ALKBH6: variants seen among roughly 807,000 people sequenced by gnomAD.
The protein encoded by ALKBH6 is alkB homolog 6, nucleotide demethylase, also known as probable RNA/DNA demethylase ALKBH6.
Under a neutral mutation model 25.1 loss-of-function variants are expected in ALKBH6, and 20 were observed. The observed-to-expected ratio is 0.80, with a 90% confidence interval of 0.56 to 1.16. The LOEUF (loss-of-function observed/expected upper bound fraction) is 1.16, where lower values mean the gene tolerates loss of function less well. Among genes scored for constraint, ALKBH6 ranks in the 50% most tolerant of loss-of-function variants. The pLI is 0.00. For synonymous variants in ALKBH6, 156 were observed against 147.5 expected, an observed-to-expected ratio of 1.06 and a Z score of -0.42; for missense variants, 263 against 326.5, an observed-to-expected ratio of 0.81 and a Z score of 1.50.
At position 36,013,374 on chromosome 19, in the gene ALKBH6, G is replaced by C. The variant is rs961963678; in HGVS notation, c.24C>G (p.Val8=). The change falls in exon 2 of 7, where the codon GTC becomes GTG. Residue 8 remains valine (V), a synonymous_variant. Coordinates refer to ENST00000378875, the MANE Select transcript of ALKBH6 (RefSeq NM_032878.5). This position sits in a 1 kb window ranked among gnomAD's most constrained non-coding sequence, Gnocchi z 4.6. MEEQDAR[V]PALEPFRVEQ... is the part of the protein sequence containing the mutation. ...CCACTCTGAACGGTTCCAGGGCTGG[G>C]ACTCTGGCGTCCTGCTCCTCCATCA... 1 of 1,613,758 alleles carries C rather than the reference G, an allele frequency of 6.2e-7. No individual in the cohort carries two copies. Among genetic ancestry groups the C allele is most frequent in the Non-Finnish European group, 8.5e-7 (1 of 1,179,880 alleles).
chr19:36,013,023 G>T lies in ALKBH6; in HGVS notation c.121C>A (p.Gln41Lys), dbSNP rs2145375186. Residue 41 changes from glutamine (Q) to lysine (K), a missense_variant and splice_region_variant, in exon 3 of 7, where the codon CAG (glutamine) becomes AAG (lysine). By Grantham distance (53) the Gln-to-Lys change is moderately conservative (BLOSUM62 1). This residue lies in a region of ALKBH6 where 112 missense variants were observed against 153.0 expected (regional missense o/e 0.73). Coordinates refer to ENST00000378875, the MANE Select transcript of ALKBH6 (RefSeq NM_032878.5). This position sits in a 1 kb window ranked among gnomAD's most constrained non-coding sequence, Gnocchi z 4.6. ...GACCAGTAGGGCACTGAGGTCACCT[G>T]TCGAAGCAAATACTCCTCCTCTTCT... ...SKEEEEYLLR[Q>K]VFNAPKPKWT... is the part of the protein sequence containing the mutation. The T allele has an allele frequency of 6.2e-7, 1 of 1,613,340 alleles. No homozygotes were observed. Among genetic ancestry groups the T allele is most frequent in the East Asian group, 2.2e-5 (1 of 44,882 alleles).
chr19:36,013,782 A>T lies in ALKBH6; in HGVS notation c.-25-360T>A. On this transcript the variant is annotated intron_variant, in intron 1 of 6. Coordinates refer to ENST00000378875, the MANE Select transcript of ALKBH6 (RefSeq NM_032878.5). This position sits in a 1 kb window ranked among gnomAD's most constrained non-coding sequence, Gnocchi z 4.6. ...GCTGCACTCCAGAGCCCCTTTAAAC[A>T]CCTTGAGACCCCGCTTCAGACCTGC... 7.9e-7 allele frequency: 1 copy of T among 1,260,874 alleles called. No homozygotes were observed. Among genetic ancestry groups the T allele is most frequent in the Non-Finnish European group, 1.0e-6 (1 of 1,000,124 alleles). 78.1% of individuals were successfully genotyped at this position (1,260,874 alleles called of 1,614,324 possible).
chr19:36,011,578 G>C, intron 3 of ALKBH6, 114 bp from the exon 4 acceptor site: 1 of 1,162,082 alleles, frequency 8.6e-7, no homozygotes, highest in South Asian at 1.3e-5. Context: ...ATCTGTGTCT[G>C]TGGGACCATT....
chr19:36,014,065 T>C (rs545411536), intron 1 of ALKBH6, 110 bp downstream of exon 1: 2 of 1,553,772 alleles, frequency 1.3e-6, no homozygotes, highest in East Asian at 2.4e-5. Flanking sequence ...CCGAGCCTTT[T>C]AGGACTCCAA....
At position 36,010,803 on chromosome 19, in the gene ALKBH6, G is replaced by T. The variant is rs751827184; in HGVS notation, c.336+91C>A. The T allele has an allele frequency of 2.5e-5, 39 of 1,573,944 alleles. No homozygotes were observed. The highest frequency in any genetic ancestry group is 3.1e-5 in the Non-Finnish European group (36 of 1,144,750). On this transcript the variant is annotated intron_variant, in intron 5 of 6. Transcript: ENST00000378875. The surrounding 1 kb of genome is among the most constrained non-coding windows in gnomAD (Gnocchi z 5.5). The stretch of plus-strand genomic sequence containing the variant: ...GAATGCCTGTTTGGGAGATGTGGCT[G>T]CCTAATGAGTGAGGGTGGGTACAGA...
chr19:36,009,442 C>G lies in ALKBH6; in HGVS notation c.565G>C (p.Val189Leu), dbSNP rs759193991. ...GAGGAGGCGGCGTCCAGCGCGTCTA[C>G]GCGGGCGGCGGCGATGCCGTGGAGA... ...RLLHGIAAAR[V>L]DALDAASSPP... Residue 189 changes from valine (V) to leucine (L), a missense_variant, in exon 7 of 7, where the codon GTA (valine) becomes CTA (leucine). By Grantham distance (32) the Val-to-Leu change is conservative. This residue lies in a region of ALKBH6 where 148 missense variants were observed against 157.5 expected (regional missense o/e 0.94). Coordinates refer to ENST00000378875, the MANE Select transcript of ALKBH6 (RefSeq NM_032878.5). 1.6e-6 allele frequency: 2 copies of G among 1,245,264 alleles called. No individual in the cohort carries two copies. The highest frequency in any genetic ancestry group is 2.0e-6 in the Non-Finnish European group (2 of 996,672). 77.1% of individuals were successfully genotyped at this position (1,245,264 alleles called of 1,614,324 possible).
chr19:36,011,043 C>A lies in ALKBH6; in HGVS notation c.187G>T (p.Gly63Trp). Residue 63 changes from glycine to tryptophan, a missense_variant and splice_region_variant, in exon 5 of 7, where the codon GGG becomes TGG. By Grantham distance (184) the Gly-to-Trp change is radical. Transcript: ENST00000378875. ...LSGRKLQNWG[G>W]LPHPRGMVPE... ...ACCATCCCTCGGGGATGAGGAAGCC[C>A]ACCTGGGGAAGGCAATGGGGTCCTG... 6.2e-7 allele frequency: 1 copy of A among 1,604,108 alleles called. No individual in the cohort carries two copies. Among genetic ancestry groups the A allele is most frequent in the Non-Finnish European group, 8.5e-7 (1 of 1,175,138 alleles).
Position 36,013,011 on chromosome 19 carries a change from C to T in ALKBH6, c.123+10G>A, listed in dbSNP as rs1227951682. 2 of 1,610,902 alleles carry T rather than the reference C, an allele frequency of 1.2e-6. No individual in the cohort carries two copies. The highest frequency in any genetic ancestry group is 8.5e-7 in the Non-Finnish European group (1 of 1,177,166). On this transcript the variant is annotated intron_variant, in intron 3 of 6. Coordinates refer to ENST00000378875, the MANE Select transcript of ALKBH6 (RefSeq NM_032878.5). This position sits in a 1 kb window ranked among gnomAD's most constrained non-coding sequence, Gnocchi z 4.6. ...AGTGGGAAAACAGACCAGTAGGGCACTGAGGTCACCTGTCGAAGCAAATAC... is the reference window on the plus strand; with the variant it reads ...AGTGGGAAAACAGACCAGTAGGGCATTGAGGTCACCTGTCGAAGCAAATAC...
At position 36,013,307 on chromosome 19, in the gene ALKBH6, T is replaced by A; in HGVS notation, c.54+37A>T. 1 of 1,612,740 alleles carries A rather than the reference T, an allele frequency of 6.2e-7. No homozygotes were observed. Among genetic ancestry groups the A allele is most frequent in the Non-Finnish European group, 8.5e-7 (1 of 1,178,884 alleles). ...CAACCCAAGAACTCAGGAATCAGCCTGCCTCCTTCACCCTCTGCACCCTGA... is the reference window on the plus strand; with the variant it reads ...CAACCCAAGAACTCAGGAATCAGCCAGCCTCCTTCACCCTCTGCACCCTGA... On this transcript the variant is annotated intron_variant, in intron 2 of 6. Coordinates refer to ENST00000378875, the MANE Select transcript of ALKBH6 (RefSeq NM_032878.5). The surrounding 1 kb of genome is among the most constrained non-coding windows in gnomAD (Gnocchi z 4.6).
rs1005360949 is a variant in ALKBH6, at chr19:36,010,294, T to C, written c.453+273A>G. 11 of 435,178 alleles carry C rather than the reference T, an allele frequency of 2.5e-5. No individual in the cohort carries two copies. In the East Asian group the frequency reaches 4.6e-4, roughly 18 times the overall value. 27.0% of individuals were successfully genotyped at this position (435,178 alleles called of 1,614,324 possible). On this transcript the variant is annotated intron_variant, in intron 6 of 6. Transcript: ENST00000378875. This position sits in a 1 kb window ranked among gnomAD's most constrained non-coding sequence, Gnocchi z 5.5. The stretch of plus-strand genomic sequence containing the variant: ...CCCGAGTTAATGGCGGTGGGGTATC[T>C]AAGGATATCAGTGTCTGCTGGGGAG...
In ALKBH6 at chr19:36,013,638, C is replaced by G; in HGVS notation, c.-25-216G>C. On this transcript the variant is annotated intron_variant, in intron 1 of 6. Coordinates refer to ENST00000378875, the MANE Select transcript of ALKBH6 (RefSeq NM_032878.5). This position sits in a 1 kb window ranked among gnomAD's most constrained non-coding sequence, Gnocchi z 4.6. Reference sequence around the variant, plus strand: ...GAGCCCCAAGAATAATCCCCCATTACTCTGTCCACTAAGGGCCCATCCAAC... The same window carrying G: ...GAGCCCCAAGAATAATCCCCCATTAGTCTGTCCACTAAGGGCCCATCCAAC... The G allele has an allele frequency of 7.2e-7, 1 of 1,394,876 alleles. No individual in the cohort carries two copies. Among genetic ancestry groups the G allele is most frequent in the Non-Finnish European group, 9.3e-7 (1 of 1,073,852 alleles). 86.4% of individuals were successfully genotyped at this position (1,394,876 alleles called of 1,614,324 possible).
chr19:36,009,291 C>T lies in ALKBH6; in HGVS notation c.716G>A (p.Ter239=). The change falls in exon 7 of 7, where the codon TGA becomes TAA. Residue 239 remains the stop codon, a stop_retained_variant. Coordinates refer to ENST00000378875, the MANE Select transcript of ALKBH6 (RefSeq NM_032878.5). ...TCCGAGGGGTCCCGGCCCTGGCGGT[C>T]ACTTGCCCAGCAGGAGGCCGGCGCG... The part of the protein sequence containing the change: ...VLRAGLLLGK[*] The T allele has an allele frequency of 1.5e-6, 2 of 1,352,812 alleles. No homozygotes were observed. The highest frequency in any genetic ancestry group is 1.8e-5 in the South Asian group (1 of 56,926). 83.8% of individuals were successfully genotyped at this position (1,352,812 alleles called of 1,614,324 possible).
rs1968679749 is a variant in ALKBH6 at position 36,013,500 on chromosome 19, A to C, written c.-25-78T>G. On this transcript the variant is annotated intron_variant, in intron 1 of 6. Coordinates refer to ENST00000378875, the MANE Select transcript of ALKBH6 (RefSeq NM_032878.5). This position sits in a 1 kb window ranked among gnomAD's most constrained non-coding sequence, Gnocchi z 4.6. ...ATGATGCAGCATTCCACCCCATCAC[A>C]GGCCAGGCCTCACCTCAGCCCTCTT... is the stretch of plus-strand genomic sequence containing the variant. 1.3e-6 allele frequency: 2 copies of C among 1,586,900 alleles called. No homozygotes were observed. Among genetic ancestry groups the C allele is most frequent in the African/African-American group, 1.3e-5 (1 of 74,442 alleles).
rs1240273605 is a variant in ALKBH6, at chr19:36,013,927, TCCC to T, written c.-26+245_-26+247del. 2 of 1,348,920 alleles carry T rather than the reference TCCC, an allele frequency of 1.5e-6. No homozygotes were observed. The highest frequency in any genetic ancestry group is 5.3e-4 in the Middle Eastern group (2 of 3,774). The allele number at this position is 1,348,920 out of a possible 1,614,324, so 83.6% of individuals were successfully genotyped here. A position where few individuals can be genotyped will look rare whatever the true frequency, so the allele number is the denominator to read the frequency against. ...CATGTCCACCCTCAGCCTCCTCGGATCCCCCCATTTGGACGCCCCTCGGATTTC... is the reference window on the plus strand; with the variant it reads ...CATGTCCACCCTCAGCCTCCTCGGATCCCATTTGGACGCCCCTCGGATTTC... On this transcript the variant is annotated intron_variant, in intron 1 of 6. Transcript: ENST00000378875. The surrounding 1 kb of genome is among the most constrained non-coding windows in gnomAD (Gnocchi z 4.6).
Position 36,013,740 on chromosome 19 carries a change from T to A in ALKBH6, c.-25-318A>T. ...CACAGGGAGCCTTTCTCAAAAGCTC[T>A]ACACATAGCCCCCAGGGCTGCACTC... On this transcript the variant is annotated intron_variant, in intron 1 of 6. Transcript: ENST00000378875. The surrounding 1 kb of genome is among the most constrained non-coding windows in gnomAD (Gnocchi z 4.6). The A allele has an allele frequency of 7.8e-7, 1 of 1,287,880 alleles. No homozygotes were observed. Among genetic ancestry groups the A allele is most frequent in the Non-Finnish European group, 9.9e-7 (1 of 1,012,740 alleles). The allele number at this position is 1,287,880 out of a possible 1,614,324, so 79.8% of individuals were successfully genotyped here. A position where few individuals can be genotyped will look rare whatever the true frequency, so the allele number is the denominator to read the frequency against.
intron 1 of ALKBH6, 24 bp downstream of exon 1, chr19:36,014,150 AC>A: frequency 6.2e-7 from 1 of 1,608,052 alleles, no homozygotes; most frequent in Non-Finnish European, 8.5e-7. Context: ...ATCCATCTCT[AC>A]CCCCAGCACT....
intron 1 of ALKBH6, 71 bp downstream of exon 1, chr19:36,014,104 G>A: frequency 6.3e-7 from 1 of 1,598,482 alleles, no homozygotes; most frequent in Admixed American, 1.8e-5. Context: ...CTCCTACTCT[G>A]GGCTCCCCCG....
chr19:36,013,660 C>G lies in ALKBH6; in HGVS notation c.-25-238G>C. Reference sequence around the variant, plus strand: ...TTACTCTGTCCACTAAGGGCCCATCCAACTACACATATGCCTTCTCAATCC... The same window carrying G: ...TTACTCTGTCCACTAAGGGCCCATCGAACTACACATATGCCTTCTCAATCC... On this transcript the variant is annotated intron_variant, in intron 1 of 6. Coordinates refer to ENST00000378875, the MANE Select transcript of ALKBH6 (RefSeq NM_032878.5). This position sits in a 1 kb window ranked among gnomAD's most constrained non-coding sequence, Gnocchi z 4.6. 7.3e-7 allele frequency: 1 copy of G among 1,370,636 alleles called. No individual in the cohort carries two copies. 84.9% of individuals were successfully genotyped at this position (1,370,636 alleles called of 1,614,324 possible).
In ALKBH6 at chr19:36,009,537, C is replaced by G. The variant is rs753824351; in HGVS notation, c.470G>C (p.Arg157Pro). Residue 157 changes from arginine to proline, a missense_variant, in exon 7 of 7, where the codon CGG (arginine) becomes CCG (proline). Arg to Pro is a moderately radical substitution (Grantham distance 103). Coordinates refer to ENST00000378875, the MANE Select transcript of ALKBH6 (RefSeq NM_032878.5). The stretch of plus-strand genomic sequence containing the variant: ...TTCCAGCAGTAGCGAGGTGGTGGGC[C>G]GGGGCGGAGGCCGAGGCTGCAGGGC... Reference protein sequence around the residue: ...DPTEQPRPPPRPTTSLLLEPR... With the variant: ...DPTEQPRPPPPPTTSLLLEPR... 25 of 931,524 alleles carry G rather than the reference C, an allele frequency of 2.7e-5. No individual in the cohort carries two copies. Among genetic ancestry groups the G allele is most frequent in the Non-Finnish European group, 2.9e-5 (24 of 814,256 alleles). 57.7% of individuals were successfully genotyped at this position (931,524 alleles called of 1,614,324 possible).
Sources: gnomAD v4.1 joint callset for allele counts on GRCh38, gnomAD v4.1.1 for gene constraint, gnomAD v4.1.1 regional missense constraint, Gnocchi (gnomAD v3.1) non-coding constraint, MANE v1.5 for transcripts, NCBI Gene and HGNC (gene_info 2026-07-23, HGNC 2026-07-21) for gene names.